CDH13: variants seen among roughly 807,000 people sequenced by gnomAD.
CDH13 encodes cadherin-13.
Under a neutral mutation model 63.8 loss-of-function variants are expected in CDH13, and 24 were observed. The ratio of observed to expected loss-of-function variants is 0.38; its 90% confidence interval spans 0.27 to 0.53. The LOEUF (loss-of-function observed/expected upper bound fraction) is 0.53. Ranked by LOEUF, CDH13 falls within the 20% of genes least tolerant of loss-of-function variation. The pLI is 0.85. For synonymous variants in CDH13, 503 were observed against 355.3 expected (o/e 1.42, Z -4.67); for missense variants, 1,049 against 903.1 (o/e 1.16, Z -2.07).
chr16:82,901,196 C>T (rs569031773), intron 2 of CDH13, among the ~76,000 whole-genome samples: 9 of 152,134 alleles, frequency 5.9e-5, no homozygotes, highest in African/African-American at 2.2e-4. Flanking sequence ...TCTGCTGACA[C>T]TGTCTTCTTG....
chr16:82,698,668 A>C (rs948994796), intron 1 of CDH13, among the ~76,000 whole-genome samples: 46 of 152,208 alleles, frequency 3.0e-4, no homozygotes, highest in African/African-American at 1.1e-3. Flanking sequence ...CTACTGGCCA[A>C]ACATCCCATG....
chr16:83,018,994 C>G (rs1915081572), intron 2 of CDH13, among the ~76,000 whole-genome samples: 1 of 152,094 alleles, frequency 6.6e-6, no homozygotes, highest in Non-Finnish European at 1.5e-5. Flanking sequence ...ATGTGAAGGC[C>G]TAGGACATTA....
At chr16:83,602,416 T>G (rs756875738) in intron 7 of CDH13, 38 bp from the exon 8 acceptor site, 1 of 1,612,708 alleles carries the variant, frequency 6.2e-7, no homozygotes, top group Non-Finnish European at 8.5e-7. Context: ...AACCCAAATC[T>G]AAATGTCATA....
At chr16:82,724,735 C>T (rs1049144327) in intron 1 of CDH13, among the ~76,000 whole-genome samples, 1 of 152,096 alleles carries the variant, frequency 6.6e-6, no homozygotes, top group African/African-American at 2.4e-5. Flanking sequence ...AATCACAGGG[C>T]CCTGTGAGAG....
chr16:82,790,351 C>T (rs867515769), intron 1 of CDH13, among the ~76,000 whole-genome samples: 3 of 152,166 alleles, frequency 2.0e-5, no homozygotes, highest in African/African-American at 4.8e-5. Flanking sequence ...AGGAGAATTG[C>T]GTGAACCCGG....
intron 6 of CDH13, among the ~76,000 whole-genome samples, chr16:83,408,634 C>T (rs1046207641): frequency 3.9e-5 from 6 of 152,206 alleles, no homozygotes; most frequent in Middle Eastern, 3.4e-3. Context: ...ATATGTGGCC[C>T]ATCATTGACT....
At chr16:82,750,080 TC>T (rs1421470359) in intron 1 of CDH13, among the ~76,000 whole-genome samples, 4 of 152,034 alleles carry the variant, frequency 2.6e-5, no homozygotes, top group Non-Finnish European at 4.4e-5. Flanking sequence ...AAAAAGAGAC[TC>T]TCCTTCTAAA....
intron 6 of CDH13, among the ~76,000 whole-genome samples, chr16:83,469,708 G>A (rs1226287858): frequency 6.6e-6 from 1 of 152,290 alleles, no homozygotes; most frequent in East Asian, 1.9e-4. Context: ...CACTAGCACA[G>A]GGCCTGCCAC....
At chr16:83,129,171 G>T (rs2035940921) in intron 4 of CDH13, among the ~76,000 whole-genome samples, 1 of 152,194 alleles carries the variant, frequency 6.6e-6, no homozygotes, top group African/African-American at 2.4e-5. Context: ...GTGCTGGGGA[G>T]GCAGGGAGAA....
chr16:83,403,540 G>T (rs942402894), intron 6 of CDH13, among the ~76,000 whole-genome samples: 12 of 152,026 alleles, frequency 7.9e-5, no homozygotes, highest in Non-Finnish European at 1.6e-4. Flanking sequence ...GGAGAGTGGC[G>T]TGAACCTGGG....
Position 83,066,177 on chromosome 16 carries a change from G to A in CDH13, c.366+33959G>A, listed in dbSNP as rs77120848. On this transcript the variant is annotated intron_variant, in intron 3 of 13. Transcript: ENST00000567109. ...GTGGCACCTGTCTATAATTTGTAAA[G>A]CACTTTGGCTTTTTCTCAGCTACAT... Among the ~76,000 whole-genome samples, 608 of 152,296 alleles carry A rather than the reference G, an allele frequency of 4.0e-3. 6 individuals carry two copies. Among genetic ancestry groups the A allele is most frequent in the African/African-American group, 0.014 (574 of 41,560 alleles).
intron 2 of CDH13, among the ~76,000 whole-genome samples, chr16:83,016,962 G>A (rs1373098854): frequency 2.0e-5 from 3 of 152,148 alleles, no homozygotes; most frequent in Non-Finnish European, 4.4e-5. Flanking sequence ...ATGCGATCTT[G>A]GGATGTGTGA....
At chr16:83,325,093 A>G (rs2090330660) in intron 5 of CDH13, among the ~76,000 whole-genome samples, 1 of 152,188 alleles carries the variant, frequency 6.6e-6, no homozygotes, top group East Asian at 1.9e-4. Flanking sequence ...TTCATCCGCA[A>G]TCTAAATGGG....
At chr16:82,633,528 G>T (rs531206550) in intron 1 of CDH13, among the ~76,000 whole-genome samples, 3 of 152,242 alleles carry the variant, frequency 2.0e-5, no homozygotes, top group Admixed American at 6.5e-5. Flanking sequence ...ACAGGTGCCC[G>T]CCACCAGGCC....
chr16:82,657,426 C>T (rs1911425540), intron 1 of CDH13, among the ~76,000 whole-genome samples: 1 of 152,154 alleles, frequency 6.6e-6, no homozygotes, highest in Non-Finnish European at 1.5e-5. Flanking sequence ...GATGGATACA[C>T]TGAAGAAAAT....
intron 3 of CDH13, among the ~76,000 whole-genome samples, chr16:83,042,868 G>A (rs191427712): frequency 6.2e-4 from 94 of 152,316 alleles, no homozygotes; most frequent in Admixed American, 2.0e-3. Flanking sequence ...CACATTTGCT[G>A]TGACCATAAA....
At chr16:82,692,881 C>T (rs1915775816) in intron 1 of CDH13, among the ~76,000 whole-genome samples, 1 of 152,178 alleles carries the variant, frequency 6.6e-6, no homozygotes, top group Non-Finnish European at 1.5e-5. Flanking sequence ...GTCTTCACGG[C>T]CTCAGGTAAT....
chr16:82,672,800 CAT>C (rs1555531858), intron 1 of CDH13, among the ~76,000 whole-genome samples: 26 of 142,968 alleles, frequency 1.8e-4, no homozygotes, highest in African/African-American at 4.4e-4. Context: ...CACACACACA[CAT>C]ACACACACAC....
At chr16:83,245,628 T>G (rs62040374) in intron 5 of CDH13, among the ~76,000 whole-genome samples, 13,458 of 152,344 alleles carry the variant, frequency 0.088, 687 homozygotes, top group East Asian at 0.15. Context: ...TCAAATTGTT[T>G]CTCAATGCAG....
Sources: allele counts gnomAD v4.1 joint callset (sites outside exome capture counted in the v4.1 genomes callset), GRCh38; gene constraint gnomAD v4.1.1; transcripts MANE v1.5; gene names NCBI Gene and HGNC (gene_info 2026-07-23, HGNC 2026-07-21).